The following FMN2 variants were observed in gnomAD, a reference collection of about 807,000 sequenced individuals.
The protein encoded by FMN2 is formin-2.
Under a neutral mutation model 142.3 loss-of-function variants are expected in FMN2, and 51 were observed. The ratio of observed to expected loss-of-function variants is 0.36; its 90% CI spans 0.29 to 0.45. The LOEUF (loss-of-function observed/expected upper bound fraction) is 0.45, where lower values mean the gene tolerates loss of function less well. Ranked by LOEUF, FMN2 falls within the 20% of genes least tolerant of loss-of-function variation. The pLI is 1.00. For synonymous variants in FMN2, 882 were observed against 869.8 expected (o/e 1.01, Z -0.25); for missense variants, 1,936 against 2,122.8 (o/e 0.91, Z 1.73).
intron 15 of FMN2, among the ~76,000 whole-genome samples, chr1:240,411,783 C>T (rs1674403807): frequency 6.6e-6 from 1 of 151,912 alleles, no homozygotes; most frequent in Admixed American, 6.6e-5. Context: ...GGGTTGGTCA[C>T]AAATGATCCT....
intron 1 of FMN2, among the ~76,000 whole-genome samples, chr1:240,121,876 CTCT>C (rs1553327415): frequency 6.7e-6 from 1 of 149,036 alleles, no homozygotes; most frequent in Non-Finnish European, 1.5e-5. Context: ...CTGGCCAGCT[CTCT>C]TCTTGTGGGT....
At chr1:240,332,704 A>G (rs1671421316) in intron 11 of FMN2, among the ~76,000 whole-genome samples, 1 of 152,210 alleles carries the variant, frequency 6.6e-6, no homozygotes, top group African/African-American at 2.4e-5. Context: ...ACTTGTACTC[A>G]GAAGAGCTAT....
Position 240,390,056 on chromosome 1 carries a change from A to G in FMN2, c.4859-2455A>G, listed in dbSNP as rs117984969. Among the ~76,000 whole-genome samples the G allele has an allele frequency of 9.2e-5, 14 of 152,270 alleles. No homozygotes were observed. The East Asian group carries it at 2.7e-3, about 29-fold the overall frequency. ...TTCCATAAAATGGAATTGCACCCCA[A>G]TTTTTCAGAAAGTTTTTCCTGAGAT... On this transcript the variant is annotated intron_variant, in intron 14 of 17. Coordinates refer to ENST00000319653, the MANE Select transcript of FMN2 (RefSeq NM_020066.5).
intron 16 of FMN2, among the ~76,000 whole-genome samples, chr1:240,469,112 C>T (rs753531573): frequency 3.3e-5 from 5 of 151,984 alleles, no homozygotes; most frequent in Admixed American, 1.3e-4. Context: ...GAGGAAGTGT[C>T]GTTGTTTTGG....
In FMN2 at chr1:240,093,082, T is replaced by C. The variant is rs1226575625; in HGVS notation, c.973T>C (p.Phe325Leu). The stretch of plus-strand genomic sequence containing the variant: ...CTCGCCCTCCTCCACGGCTTTCCCA[T>C]TTCCCGAGGCCGGGCCGGGGGAGGA... ...KDSPSSTAFP[F>L]PEAGPGEEAA... Residue 325 changes from phenylalanine (F) to leucine (L), a missense_variant, in exon 1 of 18, where the codon TTT (phenylalanine) becomes CTT (leucine). Around this residue, in one of 8 missense-constraint regions of FMN2, gnomAD observed 751 missense variants for 791.8 expected, o/e 0.95. Transcript: ENST00000319653. 70 of 1,392,962 alleles carry C rather than the reference T, an allele frequency of 5.0e-5. No homozygotes were observed. Among genetic ancestry groups the C allele is most frequent in the Non-Finnish European group, 4.7e-5 (51 of 1,082,858 alleles). The allele number at this position is 1,392,962 out of a possible 1,614,324, so 86.3% of individuals were successfully genotyped here.
chr1:240,107,324 G>T (rs1661652085), intron 1 of FMN2, among the ~76,000 whole-genome samples: 1 of 152,102 alleles, frequency 6.6e-6, no homozygotes. Context: ...GAGAGTCAAT[G>T]ATGTATGACT....
chr1:240,121,734 G>GAAAAAA (rs1662263099), intron 1 of FMN2, among the ~76,000 whole-genome samples: 1 of 6,602 alleles, frequency 1.5e-4, no homozygotes, highest in Non-Finnish European at 2.7e-4. Context: ...TAGGGAAATA[G>GAAAAAA]TAAAAAAAAA....
At position 240,123,201 on chromosome 1, in the gene FMN2, G is replaced by T. The variant is rs777260517; in HGVS notation, c.1638G>T (p.Leu546=). 5.6e-6 allele frequency: 9 copies of T among 1,614,088 alleles called. No individual in the cohort carries two copies. The Middle Eastern group carries it at 4.9e-4, about 88-fold the overall frequency. The change falls in exon 2 of 18, where the codon CTG becomes CTT. Residue 546 remains leucine, a synonymous_variant. Transcript: ENST00000319653. ...CAGGGCGAACGCTGTTGGAGAAGCT[G>T]TTCAGCCAGCAGGAGAACGGGCCTC... is the stretch of plus-strand genomic sequence containing the variant. ...VFTGRTLLEK[L]FSQQENGPPE...
intron 8 of FMN2, among the ~76,000 whole-genome samples, chr1:240,325,853 T>C (rs770137171): frequency 7.2e-5 from 11 of 152,152 alleles, no homozygotes; most frequent in Non-Finnish European, 1.3e-4. Flanking sequence ...ATGTACCTGA[T>C]GGGGAAAAAT....
intron 1 of FMN2, among the ~76,000 whole-genome samples, chr1:240,104,752 T>TA (rs1439487252): frequency 6.6e-6 from 1 of 152,186 alleles, no homozygotes; most frequent in Non-Finnish European, 1.5e-5. Context: ...TTCCCACTGT[T>TA]ATATACTATT....
At chr1:240,423,587 C>G (rs1393040939) in intron 15 of FMN2, among the ~76,000 whole-genome samples, 1 of 152,174 alleles carries the variant, frequency 6.6e-6, no homozygotes, top group South Asian at 2.1e-4. Context: ...ATTTGGTACT[C>G]AGCCTTTTTT....
At chr1:240,401,786 G>T (rs1429801151) in intron 15 of FMN2, among the ~76,000 whole-genome samples, 5 of 152,168 alleles carry the variant, frequency 3.3e-5, no homozygotes, top group African/African-American at 1.2e-4. Context: ...GCTCACCAAG[G>T]TTATCATGAA....
intron 6 of FMN2, among the ~76,000 whole-genome samples, chr1:240,239,713 A>C (rs1200937341): frequency 6.6e-6 from 1 of 152,230 alleles, no homozygotes; most frequent in African/African-American, 2.4e-5. Context: ...CCAGAAAGAA[A>C]CATCATGCCA....
intron 8 of FMN2, among the ~76,000 whole-genome samples, chr1:240,305,122 A>G (rs1670337231): frequency 6.6e-6 from 1 of 152,142 alleles, no homozygotes; most frequent in South Asian, 2.1e-4. Context: ...TTTTCTAAAG[A>G]CGTTGTCTGA....
intron 2 of FMN2, among the ~76,000 whole-genome samples, chr1:240,152,423 G>T (rs1212643335): frequency 2.0e-5 from 3 of 151,960 alleles, no homozygotes. Context: ...CCTTCCTTTG[G>T]ATCTTCTGCT....
chr1:240,349,601 G>A (rs548017335), intron 13 of FMN2, among the ~76,000 whole-genome samples: 165 of 152,286 alleles, frequency 1.1e-3, no homozygotes, highest in South Asian at 5.8e-3. Context: ...GCCCCACAAC[G>A]TGCCACTCTG....
intron 6 of FMN2, among the ~76,000 whole-genome samples, chr1:240,235,275 C>A (rs976419917): frequency 2.0e-5 from 3 of 152,078 alleles, no homozygotes; most frequent in Non-Finnish European, 4.4e-5. Flanking sequence ...CATCTTTGCA[C>A]GATTAAATAG....
intron 2 of FMN2, among the ~76,000 whole-genome samples, chr1:240,146,179 C>G (rs1162360110): frequency 6.8e-6 from 1 of 146,780 alleles, no homozygotes; most frequent in Non-Finnish European, 1.5e-5. Flanking sequence ...GTCAGGAGAT[C>G]GAGACCATCC....
intron 16 of FMN2, among the ~76,000 whole-genome samples, chr1:240,441,292 C>T (rs1192793006): frequency 3.9e-5 from 6 of 152,062 alleles, no homozygotes; most frequent in African/African-American, 1.4e-4. Flanking sequence ...CACACCTGGC[C>T]TGGTGTAAAC....
Sources: gnomAD v4.1 joint callset for allele counts (sites outside exome capture counted in the v4.1 genomes callset) on GRCh38, gnomAD v4.1.1 for gene constraint, gnomAD v4.1.1 regional missense constraint, MANE v1.5 for transcripts, NCBI Gene and HGNC (gene_info 2026-07-23, HGNC 2026-07-21) for gene names.